The following SLC35D4 variants were observed in gnomAD, a reference collection of about 807,000 sequenced individuals.
SLC35D4 encodes the protein UDP-N-acetylglucosamine transporter SLC35D4.
At chr18:23,280,390 A>C in the SLC35D4 span, among the ~76,000 whole-genome samples, 10 of 151,928 alleles carry the variant, frequency 6.6e-5, no homozygotes, top group Admixed American at 1.3e-4. Flanking sequence ...GCCACTCTCC[A>C]CTCTGTCCCC....
At chr18:23,251,295 A>G in the SLC35D4 span, among the ~76,000 whole-genome samples, 1 of 152,170 alleles carries the variant, frequency 6.6e-6, no homozygotes, top group African/African-American at 2.4e-5. Flanking sequence ...TACTAAAAAT[A>G]CAAAAATTAG....
At chr18:23,253,309 C>A in the SLC35D4 span, among the ~76,000 whole-genome samples, 111 of 152,236 alleles carry the variant, frequency 7.3e-4, no homozygotes, top group African/African-American at 2.6e-3. Flanking sequence ...ATGGTGAAAT[C>A]CCGTCTCTAC....
At chr18:23,246,886 T>C in the SLC35D4 span, among the ~76,000 whole-genome samples, 2 of 152,000 alleles carry the variant, frequency 1.3e-5, no homozygotes. Context: ...AGAGACGGGG[T>C]TTTACCATGT....
At chr18:23,390,593 A>G in the SLC35D4 span, among the ~76,000 whole-genome samples, 2 of 152,188 alleles carry the variant, frequency 1.3e-5, no homozygotes, top group Non-Finnish European at 2.9e-5. Context: ...CATTATTCTC[A>G]TACTTCCTAG....
At chr18:23,339,771 G>A in the SLC35D4 span, among the ~76,000 whole-genome samples, 8 of 152,124 alleles carry the variant, frequency 5.3e-5, no homozygotes, top group African/African-American at 1.9e-4. Context: ...ACTTTCTCAC[G>A]GCATCCTCAA....
chr18:23,318,722 A>C, the SLC35D4 span, among the ~76,000 whole-genome samples: 1 of 152,242 alleles, frequency 6.6e-6, no homozygotes, highest in Non-Finnish European at 1.5e-5. Flanking sequence ...ATGTGATATA[A>C]ACCCATCTAT....
chr18:23,256,446 A>G, the SLC35D4 span, among the ~76,000 whole-genome samples: 2 of 152,174 alleles, frequency 1.3e-5, no homozygotes, highest in African/African-American at 4.8e-5. Flanking sequence ...TGAACTTACC[A>G]CGTGGTTTTT....
the SLC35D4 span, among the ~76,000 whole-genome samples, chr18:23,369,383 C>T: frequency 6.6e-6 from 1 of 152,222 alleles, no homozygotes; most frequent in Non-Finnish European, 1.5e-5. Context: ...GGCCTCAGCG[C>T]TCCAGGCCTG....
At chr18:23,383,451 C>T in the SLC35D4 span, among the ~76,000 whole-genome samples, 3 of 152,018 alleles carry the variant, frequency 2.0e-5, no homozygotes, top group East Asian at 5.9e-4. Flanking sequence ...ATGGTGGAAA[C>T]AGACACGATG....
chr18:23,377,133 G>T, the SLC35D4 span, among the ~76,000 whole-genome samples: 2 of 152,136 alleles, frequency 1.3e-5, no homozygotes, highest in Admixed American at 6.5e-5. Flanking sequence ...AATGCTGCAG[G>T]CACCGGGGTC....
the SLC35D4 span, among the ~76,000 whole-genome samples, chr18:23,363,332 C>A: frequency 7.1e-6 from 1 of 140,244 alleles, no homozygotes; most frequent in Non-Finnish European, 1.5e-5. Context: ...AATCTGTGAA[C>A]ATAACTTTCC....
chr18:23,417,466 T>C, the SLC35D4 span, among the ~76,000 whole-genome samples: 2 of 152,132 alleles, frequency 1.3e-5, no homozygotes, highest in South Asian at 2.1e-4. Flanking sequence ...GTACCCAGAA[T>C]AGGCAAATTC....
chr18:23,358,234 A>C, the SLC35D4 span, among the ~76,000 whole-genome samples: 1 of 152,162 alleles, frequency 6.6e-6, no homozygotes, highest in Non-Finnish European at 1.5e-5. Context: ...CAATGTGATA[A>C]TGAGGAACGG....
the SLC35D4 span, among the ~76,000 whole-genome samples, chr18:23,414,981 T>G: frequency 2.0e-5 from 3 of 152,194 alleles, no homozygotes; most frequent in South Asian, 4.1e-4. Flanking sequence ...GCATGATGGC[T>G]CACACCTATA....
At chr18:23,370,599 G>A in the SLC35D4 span, among the ~76,000 whole-genome samples, 1 of 152,106 alleles carries the variant, frequency 6.6e-6, no homozygotes, top group Admixed American at 6.5e-5. Flanking sequence ...AAACACCCCT[G>A]GATTTCTGAA....
chr18:23,243,872 C>CAA, the SLC35D4 span, among the ~76,000 whole-genome samples: 9 of 109,872 alleles, frequency 8.2e-5, no homozygotes, highest in Non-Finnish European at 8.5e-5. Context: ...GACTCCGTTT[C>CAA]AAAAAAAAAA....
chr18:23,246,630 A>T, the SLC35D4 span, among the ~76,000 whole-genome samples: 1 of 151,130 alleles, frequency 6.6e-6, no homozygotes, highest in African/African-American at 2.5e-5. Context: ...TGACCTTGTG[A>T]TCCGCCCACC....
At chr18:23,435,425 GA>G in the SLC35D4 span, among the ~76,000 whole-genome samples, 1 of 152,104 alleles carries the variant, frequency 6.6e-6, no homozygotes, top group African/African-American at 2.4e-5. Context: ...AGACAAATTA[GA>G]AGAGTTAAAT....
the SLC35D4 span, among the ~76,000 whole-genome samples, chr18:23,341,111 T>A: frequency 6.6e-6 from 1 of 152,264 alleles, no homozygotes; most frequent in Non-Finnish European, 1.5e-5. Context: ...ACATCATATG[T>A]GAGAGGGGAT....
Sources: gnomAD v4.1 joint callset for allele counts (sites outside exome capture counted in the v4.1 genomes callset) on GRCh38, gnomAD v4.1.1 for gene constraint, MANE v1.5 for transcripts, NCBI Gene and HGNC (gene_info 2026-07-23, HGNC 2026-07-21) for gene names.